SLC14A2: variants seen among roughly 807,000 people sequenced by gnomAD.
The protein encoded by SLC14A2 is urea transporter 2.
In SLC14A2, 91 loss-of-function variants were observed where a neutral mutation model predicts 104.6. That is an observed-to-expected ratio of 0.87 (90% CI 0.73 to 1.04). The LOEUF (loss-of-function observed/expected upper bound fraction) is 1.04, where lower values mean the gene tolerates loss of function less well. Among genes scored for constraint, SLC14A2 ranks in the 50% least tolerant of loss-of-function variants. The probability of loss-of-function intolerance (pLI) is 0.00; values close to 1 mark genes in which losing one functional copy is unlikely to be tolerated. For synonymous variants in SLC14A2, 476 were observed against 466.4 expected, an observed-to-expected ratio of 1.02 and a Z score of -0.27; for missense variants, 1,189 against 1,156.0, an observed-to-expected ratio of 1.03 and a Z score of -0.41.
chr18:45,235,867 G>GTA (rs1255766109), intron 1 of SLC14A2, among the ~76,000 whole-genome samples: 1 of 89,632 alleles, frequency 1.1e-5, no homozygotes, highest in African/African-American at 4.8e-5. Flanking sequence ...ATATATGTGT[G>GTA]TATATATGTA....
chr18:45,354,266 A>G (rs1267029246), intron 1 of SLC14A2, among the ~76,000 whole-genome samples: 1 of 152,172 alleles, frequency 6.6e-6, no homozygotes, highest in Non-Finnish European at 1.5e-5. Flanking sequence ...TACCAGATCA[A>G]TAAGCCTCAA....
intron 1 of SLC14A2, among the ~76,000 whole-genome samples, chr18:45,478,081 C>CT (rs1006342956): frequency 3.7e-4 from 56 of 152,284 alleles, no homozygotes; most frequent in African/African-American, 1.3e-3. Flanking sequence ...CAACCACCTA[C>CT]TTTTGTGCTT....
At chr18:45,283,956 TG>T (rs1484900645) in intron 1 of SLC14A2, among the ~76,000 whole-genome samples, 4 of 152,178 alleles carry the variant, frequency 2.6e-5, no homozygotes, top group Non-Finnish European at 5.9e-5. Flanking sequence ...AGACTTAGTA[TG>T]AAAAAAATGG....
At chr18:45,364,619 GA>G (rs1213259728) in intron 1 of SLC14A2, among the ~76,000 whole-genome samples, 1 of 152,168 alleles carries the variant, frequency 6.6e-6, no homozygotes, top group Non-Finnish European at 1.5e-5. Flanking sequence ...CAGCAAGAGA[GA>G]AAACAGTTTT....
chr18:45,254,085 G>C (rs1301414779), intron 1 of SLC14A2, among the ~76,000 whole-genome samples: 1 of 152,098 alleles, frequency 6.6e-6, no homozygotes, highest in African/African-American at 2.4e-5. Context: ...GGAGTCCCAG[G>C]TCCTGGGACG....
chr18:45,530,952 T>G (rs1164268033), intron 2 of SLC14A2, among the ~76,000 whole-genome samples: 1 of 152,132 alleles, frequency 6.6e-6, no homozygotes, highest in African/African-American at 2.4e-5. Flanking sequence ...ATGCGGTGTT[T>G]GGTTTTTTGT....
chr18:45,187,565 A>T, the SLC14A2 span, among the ~76,000 whole-genome samples: 1 of 152,124 alleles, frequency 6.6e-6, no homozygotes, highest in Non-Finnish European at 1.5e-5. Context: ...TAATCTTGGC[A>T]TCATGGTATT....
intron 1 of SLC14A2, among the ~76,000 whole-genome samples, chr18:45,311,253 G>T (rs900141402): frequency 1.3e-5 from 2 of 152,144 alleles, no homozygotes; most frequent in Non-Finnish European, 2.9e-5. Context: ...AATGCTGAGC[G>T]ACATCACTGA....
chr18:45,432,760 G>C (rs991478033), intron 1 of SLC14A2, among the ~76,000 whole-genome samples: 4 of 152,134 alleles, frequency 2.6e-5, no homozygotes, highest in African/African-American at 2.4e-5. Flanking sequence ...TAGTCTAGTA[G>C]ACATGTGATC....
Position 45,625,675 on chromosome 18 carries a change from C to T in SLC14A2, c.151-8C>T. ...ATCATTTGATGTCTGGTTGGTTTCT[C>T]CTAAAAGGATCTCCGGTCTTCCAAT... On this transcript the variant is annotated splice_polypyrimidine_tract_variant and splice_region_variant and intron_variant, in intron 2 of 19. Coordinates refer to ENST00000255226, the MANE Select transcript of SLC14A2 (RefSeq NM_007163.4). 3.2e-6 allele frequency: 5 copies of T among 1,538,782 alleles called. No individual in the cohort carries two copies. Among genetic ancestry groups the T allele is most frequent in the Non-Finnish European group, 4.4e-6 (5 of 1,148,012 alleles).
intron 1 of SLC14A2, among the ~76,000 whole-genome samples, chr18:45,339,629 T>C (rs1268023758): frequency 6.6e-6 from 1 of 151,976 alleles, no homozygotes; most frequent in Non-Finnish European, 1.5e-5. Flanking sequence ...GCAAACAATA[T>C]AACTACATGG....
chr18:45,201,122 G>T, the SLC14A2 span, among the ~76,000 whole-genome samples: 1 of 152,078 alleles, frequency 6.6e-6, no homozygotes, highest in South Asian at 2.1e-4. Context: ...TGGTGTTATG[G>T]TTTTTTAAAG....
the SLC14A2 span, among the ~76,000 whole-genome samples, chr18:45,199,420 T>A: frequency 0.5 from 76,000 of 151,800 alleles, 19,431 homozygotes; most frequent in East Asian, 0.77. Context: ...TCATTTTTTT[T>A]AAATCATGTT....
intron 2 of SLC14A2, among the ~76,000 whole-genome samples, chr18:45,521,451 T>C (rs569766950): frequency 1.3e-5 from 2 of 152,016 alleles, no homozygotes; most frequent in South Asian, 2.1e-4. Flanking sequence ...AGGATACAGC[T>C]CAGGGACCAG....
intron 2 of SLC14A2, among the ~76,000 whole-genome samples, chr18:45,539,571 A>T (rs1208105904): frequency 6.6e-6 from 1 of 152,108 alleles, no homozygotes; most frequent in East Asian, 1.9e-4. Flanking sequence ...CAGCCAGGCA[A>T]CCCCATGGAG....
intron 1 of SLC14A2, among the ~76,000 whole-genome samples, chr18:45,403,472 G>C (rs1041566074): frequency 1.3e-5 from 2 of 152,158 alleles, no homozygotes; most frequent in Non-Finnish European, 2.9e-5. Context: ...CTCCATCGCT[G>C]TGGGCCATGG....
chr18:45,315,119 T>C (rs1296773933), intron 1 of SLC14A2, among the ~76,000 whole-genome samples: 1 of 152,152 alleles, frequency 6.6e-6, no homozygotes. Context: ...AGAAGAACTG[T>C]ATCTCACTGC....
intron 2 of SLC14A2, among the ~76,000 whole-genome samples, chr18:45,499,850 T>C (rs1288427602): frequency 2.0e-5 from 3 of 152,168 alleles, no homozygotes; most frequent in South Asian, 2.1e-4. Flanking sequence ...AAATAATGAA[T>C]GTGGAGGGAC....
chr18:45,371,387 C>A (rs1018092524), intron 1 of SLC14A2, among the ~76,000 whole-genome samples: 1 of 152,162 alleles, frequency 6.6e-6, no homozygotes, highest in Non-Finnish European at 1.5e-5. Context: ...TAGCCCCATA[C>A]TATATTAATT....
Sources: gnomAD v4.1 joint callset for allele counts (sites outside exome capture counted in the v4.1 genomes callset) on GRCh38, gnomAD v4.1.1 for gene constraint, MANE v1.5 for transcripts, NCBI Gene and HGNC (gene_info 2026-07-23, HGNC 2026-07-21) for gene names.